ADRA1B: variants seen among roughly 807,000 people sequenced by gnomAD.
ADRA1B encodes adrenoceptor alpha 1B.
In ADRA1B, 17 loss-of-function variants were observed where a neutral mutation model predicts 17.9. That is an observed-to-expected ratio of 0.95 (90% confidence interval 0.65 to 1.42). ADRA1B has a LOEUF of 1.42. Among genes scored for constraint, ADRA1B ranks in the 40% most tolerant of loss-of-function variants. ADRA1B has a pLI of 0.00. For missense variants in ADRA1B, 681 were observed against 722.1 expected (o/e 0.94, Z 0.65); for synonymous variants, 366 against 327.6 (o/e 1.12, Z -1.27).
At chr5:159,873,476 A>G (rs2113074557) in intron 1 of ADRA1B, among the ~76,000 whole-genome samples, 1 of 152,252 alleles carries the variant, frequency 6.6e-6, no homozygotes, top group South Asian at 2.1e-4. Flanking sequence ...CACATACCCA[A>G]TCACTGATAA....
At chr5:159,897,958 G>A (rs984707045) in intron 1 of ADRA1B, among the ~76,000 whole-genome samples, 2 of 152,192 alleles carry the variant, frequency 1.3e-5, no homozygotes, top group African/African-American at 4.8e-5. Context: ...AGAGGGCTCG[G>A]GGCTGGCACA....
At position 159,910,284 on chromosome 5, in the gene ADRA1B, TAA is replaced by T. The variant is rs532898452; in HGVS notation, c.-255-5833_-255-5832del. Among the ~76,000 whole-genome samples the T allele has an allele frequency of 2.2e-3, 341 of 152,086 alleles. 1 individual carries two copies. The highest frequency in any genetic ancestry group is 0.01 in the Middle Eastern group (3 of 294). ...ATTATCCTCTGGGCACAGATGAAAATAAAGAGGCTGAAAGAGTTTATGTAGCT... is the reference window on the plus strand; with the variant it reads ...ATTATCCTCTGGGCACAGATGAAAATAGAGGCTGAAAGAGTTTATGTAGCT... On this transcript the variant is annotated intron_variant, in intron 1 of 2. Coordinates refer to the ADRA1B transcript ENST00000641205.
chr5:159,975,482 G>A (rs772739940), downstream of ADRA1B, among the ~76,000 whole-genome samples: 13 of 152,244 alleles, frequency 8.5e-5, no homozygotes, highest in South Asian at 2.1e-4. Context: ...TATAAACACC[G>A]AAATGCAAAT....
At chr5:159,926,419 A>G (rs982547198) in intron 1 of ADRA1B, among the ~76,000 whole-genome samples, 3 of 152,164 alleles carry the variant, frequency 2.0e-5, no homozygotes, top group Non-Finnish European at 4.4e-5. Flanking sequence ...AAACCTTTGC[A>G]GGGTCCAAGT....
rs1755892116 is a variant in ADRA1B at position 159,972,360 on chromosome 5, G to A, written c.1431G>A (p.Lys477=). ...RHDSGPLFTF[K]LLTEPESPGT... ...ACTCGGGCCCGCTCTTCACCTTCAA[G>A]CTCCTGACCGAGCCCGAGAGCCCCG... The change falls in exon 2 of 2, where the codon AAG becomes AAA. Residue 477 remains lysine (K), a synonymous_variant. Transcript: ENST00000306675. The A allele has an allele frequency of 6.6e-7, 1 of 1,508,738 alleles. No homozygotes were observed. The highest frequency in any genetic ancestry group is 2.7e-5 in the East Asian group (1 of 37,434). The allele number at this position is 1,508,738 out of a possible 1,614,324, so 93.5% of individuals were successfully genotyped here.
At chr5:159,929,139 A>AAAG (rs1367592657) in intron 1 of ADRA1B, 1 of 152,212 alleles carries the variant, frequency 6.6e-6, no homozygotes, top group Non-Finnish European at 1.5e-5. Context: ...ACAGGATTTC[A>AAAG]AAGAAAACCA....
intron 1 of ADRA1B, among the ~76,000 whole-genome samples, chr5:159,874,330 A>G (rs1023004149): frequency 6.6e-6 from 1 of 152,022 alleles, no homozygotes; most frequent in Non-Finnish European, 1.5e-5. Flanking sequence ...TAAATTCCTT[A>G]TTTTCTTGGC....
chr5:159,890,984 T>C (rs1384163433), intron 1 of ADRA1B, among the ~76,000 whole-genome samples: 2 of 152,208 alleles, frequency 1.3e-5, no homozygotes, highest in Non-Finnish European at 2.9e-5. Flanking sequence ...CATTCCTCCT[T>C]GGATCATATG....
chr5:159,940,540 A>T (rs1207005622), intron 1 of ADRA1B, among the ~76,000 whole-genome samples: 1 of 152,156 alleles, frequency 6.6e-6, no homozygotes, highest in Non-Finnish European at 1.5e-5. Context: ...CTATATTCAT[A>T]GTTGAGCCCA....
At chr5:159,870,803 G>C (rs1753729079) in intron 1 of ADRA1B, 1 of 152,206 alleles carries the variant, frequency 6.6e-6, no homozygotes, top group Non-Finnish European at 1.5e-5. Context: ...ATAGTCAAAA[G>C]TTCCCTTGAA....
At chr5:159,964,042 G>A (rs1332276072) in intron 1 of ADRA1B, among the ~76,000 whole-genome samples, 1 of 152,192 alleles carries the variant, frequency 6.6e-6, no homozygotes, top group African/African-American at 2.4e-5. Flanking sequence ...GTTTCCCAGG[G>A]CTGCACCTAC....
chr5:159,983,795 C>T, the ADRA1B span, among the ~76,000 whole-genome samples: 7 of 152,072 alleles, frequency 4.6e-5, no homozygotes, highest in Non-Finnish European at 8.8e-5. Flanking sequence ...CTCTCCTTTT[C>T]TTCCTCTGTT....
At chr5:159,897,897 C>A (rs1171988086) in intron 1 of ADRA1B, among the ~76,000 whole-genome samples, 4 of 152,236 alleles carry the variant, frequency 2.6e-5, no homozygotes, top group Non-Finnish European at 4.4e-5. Flanking sequence ...AGAGTAAGGA[C>A]AAGGGCACTG....
the ADRA1B span, among the ~76,000 whole-genome samples, chr5:159,978,808 G>A: frequency 6.6e-6 from 1 of 152,178 alleles, no homozygotes; most frequent in African/African-American, 2.4e-5. Flanking sequence ...CTCAAATATT[G>A]TGTCAGCCAC....
chr5:159,938,579 G>C (rs1011706208), intron 1 of ADRA1B, among the ~76,000 whole-genome samples: 1 of 152,212 alleles, frequency 6.6e-6, no homozygotes, highest in African/African-American at 2.4e-5. Flanking sequence ...TGAACTACAG[G>C]CATCTGAATC....
At chr5:159,988,180 C>T in the ADRA1B span, among the ~76,000 whole-genome samples, 1 of 152,150 alleles carries the variant, frequency 6.6e-6, no homozygotes. Context: ...AGATGCCACA[C>T]TGCTGACTTT....
rs374476282 is a variant in ADRA1B at position 159,968,311 on chromosome 5, A to G, written c.950-3568A>G. Reference sequence around the variant, plus strand: ...AGCACAGGACCTGCAGAGCACACACACAAGATAAATGCTGGCTATGATGAA... The same window carrying G: ...AGCACAGGACCTGCAGAGCACACACGCAAGATAAATGCTGGCTATGATGAA... On this transcript the variant is annotated intron_variant, in intron 1 of 1. Coordinates refer to ENST00000306675, the MANE Select transcript of ADRA1B (RefSeq NM_000679.4). Among the ~76,000 whole-genome samples, 38 of 152,306 alleles carry G rather than the reference A, an allele frequency of 2.5e-4. 1 individual carries two copies. The South Asian group carries it at 7.3e-3, about 29-fold the overall frequency.
intron 1 of ADRA1B, among the ~76,000 whole-genome samples, chr5:159,901,204 T>C (rs917985430): frequency 1.3e-5 from 2 of 151,722 alleles, no homozygotes; most frequent in Non-Finnish European, 2.9e-5. Context: ...AGATAATCCA[T>C]TCTCTTGAAG....
intron 1 of ADRA1B, among the ~76,000 whole-genome samples, chr5:159,935,014 G>A (rs555736687): frequency 1.2e-4 from 18 of 152,094 alleles, no homozygotes; most frequent in East Asian, 1.9e-4. Flanking sequence ...TTTCATAAAC[G>A]TCAGCTATTA....
Sources: gnomAD v4.1 joint callset for allele counts (sites outside exome capture counted in the v4.1 genomes callset) on GRCh38, gnomAD v4.1.1 for gene constraint, MANE v1.5 for transcripts, NCBI Gene and HGNC (gene_info 2026-07-23, HGNC 2026-07-21) for gene names.